Variants in EZR observed in about 807,000 individuals in gnomAD.
The protein encoded by EZR is ezrin.
Under a neutral mutation model 74.8 loss-of-function variants are expected in EZR, and 40 were observed. That is an observed-to-expected ratio of 0.53 (90% CI 0.42 to 0.70). EZR has a LOEUF of 0.70. EZR is among the 30% of genes least tolerant of loss of function. The probability of loss-of-function intolerance (pLI) is 0.00; values close to 1 mark genes in which losing one functional copy is unlikely to be tolerated. For synonymous variants in EZR, 341 were observed against 283.3 expected, an observed-to-expected ratio of 1.20 and a Z score of -2.05; for missense variants, 678 against 755.8, an observed-to-expected ratio of 0.90 and a Z score of 1.21.
In EZR at chr6:158,789,482, A is replaced by AC. The variant is rs1562498595; in HGVS notation, c.13-112dup. 5 of 947,170 alleles carry AC rather than the reference A, an allele frequency of 5.3e-6. No homozygotes were observed. In the Admixed American group the frequency reaches 8.5e-5, roughly 16 times the overall value. The allele number at this position is 947,170 out of a possible 1,614,324, so 58.7% of individuals were successfully genotyped here. ...TCAGTGTGGCGACGGCATATGCCTG[A>AC]CATCAGTTCCTGTGCTAGTCAGGAA... On this transcript the variant is annotated intron_variant, in intron 2 of 13. Transcript: ENST00000367075.
intron 9 of EZR, 88 bp from the exon 10 acceptor site, chr6:158,770,982 A>C: frequency 1.3e-6 from 2 of 1,586,754 alleles, no homozygotes; most frequent in Non-Finnish European, 1.7e-6. Context: ...TTGAAGCTCC[A>C]GGATGGACTT....
At chr6:158,808,909 C>A (rs1409362998) in intron 2 of EZR, among the ~76,000 whole-genome samples, 3 of 152,198 alleles carry the variant, frequency 2.0e-5, no homozygotes, top group Non-Finnish European at 4.4e-5. Context: ...AGGAGGATGG[C>A]TTGAGGCCAG....
chr6:158,769,559 G>A lies in EZR; in HGVS notation c.1252-141C>T, dbSNP rs984255301. ...GCCACCCCCACTCCATGGCCAGCAG[G>A]GTCCATTGTGCACCCCCGGCATCTC... On this transcript the variant is annotated intron_variant, in intron 11 of 13. Transcript: ENST00000367075. 5.8e-6 allele frequency: 6 copies of A among 1,036,452 alleles called. No individual in the cohort carries two copies. In the Admixed American group the frequency reaches 7.9e-5, roughly 14 times the overall value. The allele number at this position is 1,036,452 out of a possible 1,614,324, so 64.2% of individuals were successfully genotyped here. A position where few individuals can be genotyped will look rare whatever the true frequency, so the allele number is the denominator to read the frequency against.
At chr6:158,789,392 A>T (rs747612873) in intron 2 of EZR, 21 bp from the exon 3 acceptor site, 2 of 1,600,496 alleles carry the variant, frequency 1.2e-6, no homozygotes, top group Non-Finnish European at 1.7e-6. Context: ...GAATGAAACA[A>T]ATTACGCTTA....
rs576295267 is a variant in EZR at position 158,810,637 on chromosome 6, C to A, written c.12+7445G>T. ...AGAGAGGATGGACATGAGACAAAAT[C>A]AGAGTCCTCCCTTTTACTAAGATAA... is the stretch of plus-strand genomic sequence containing the variant. On this transcript the variant is annotated intron_variant, in intron 2 of 13. Transcript: ENST00000367075. 3.9e-5 allele frequency among the ~76,000 whole-genome samples: 6 copies of A among 152,310 alleles called. No individual in the cohort carries two copies. In the South Asian group the frequency reaches 1.2e-3, roughly 32 times the overall value.
In EZR at chr6:158,771,341, G is replaced by C. The variant is rs774565006; in HGVS notation, c.862C>G (p.His288Asp). 1.2e-6 allele frequency: 2 copies of C among 1,614,186 alleles called. No homozygotes were observed. The highest frequency in any genetic ancestry group is 1.7e-6 in the Non-Finnish European group (2 of 1,180,018). ...KRILQLCMGN[H>D]ELYMRRRKPD... is the part of the protein sequence containing the mutation. ...TTCCTGCGGCGCATATACAACTCAT[G>C]GTTGCCCATGCAGAGCTGCAGGATC... The change falls in exon 9 of 14, where the codon CAT becomes GAT. Residue 288 changes from histidine to aspartate, a missense_variant. His to Asp is a moderately conservative substitution (Grantham distance 81, BLOSUM62 -1). Around this residue, in one of 3 missense-constraint regions of EZR, gnomAD observed 119 missense variants for 182.3 expected, o/e 0.65. Coordinates refer to ENST00000367075, the MANE Select transcript of EZR (RefSeq NM_001111077.2).
At chr6:158,800,632 C>A (rs1777168040) in intron 2 of EZR, among the ~76,000 whole-genome samples, 1 of 152,194 alleles carries the variant, frequency 6.6e-6, no homozygotes, top group South Asian at 2.1e-4. Flanking sequence ...GAAACCCCAT[C>A]TCCACTAAAA....
intron 11 of EZR, 72 bp from the exon 12 acceptor site, chr6:158,769,490 C>T (rs2128564354): frequency 1.4e-6 from 2 of 1,467,852 alleles, no homozygotes; most frequent in East Asian, 2.3e-5. Context: ...AATGAGTGTT[C>T]ATGTGTGTTG....
chr6:158,795,071 G>GTAAA (rs1408478490), intron 2 of EZR, among the ~76,000 whole-genome samples: 1 of 151,708 alleles, frequency 6.6e-6, no homozygotes, highest in Non-Finnish European at 1.5e-5. Context: ...GGCCAACATG[G>GTAAA]TAAAACCCCA....
chr6:158,790,783 T>G (rs1443595260), intron 2 of EZR, among the ~76,000 whole-genome samples: 1 of 152,218 alleles, frequency 6.6e-6, no homozygotes, highest in Non-Finnish European at 1.5e-5. Flanking sequence ...CTAAAGTGTA[T>G]GAAAAACACT....
intron 2 of EZR, among the ~76,000 whole-genome samples, chr6:158,806,238 A>C (rs1406557571): frequency 6.6e-6 from 1 of 152,246 alleles, no homozygotes; most frequent in Non-Finnish European, 1.5e-5. Flanking sequence ...TTGCCCCAGC[A>C]GCAGGGAATG....
intron 2 of EZR, among the ~76,000 whole-genome samples, chr6:158,796,190 A>C (rs900570612): frequency 1.3e-5 from 2 of 152,216 alleles, no homozygotes; most frequent in Admixed American, 6.5e-5. Flanking sequence ...GTTTTCACGG[A>C]GAAGGGACAA....
chr6:158,783,795 G>A (rs1462838404), intron 6 of EZR, 129 bp from the exon 7 acceptor site: 1 of 1,001,466 alleles, frequency 1.0e-6, no homozygotes, highest in African/African-American at 1.6e-5. Flanking sequence ...GCTGCGTGCA[G>A]GCAGGCAGGG....
chr6:158,798,553 C>G (rs1777121017), intron 2 of EZR, among the ~76,000 whole-genome samples: 1 of 151,152 alleles, frequency 6.6e-6, no homozygotes. Context: ...CAGGGCAGAG[C>G]TGAGAGGCTG....
At chr6:158,783,711 A>G (rs1287149654) in intron 6 of EZR, 45 bp from the exon 7 acceptor site, 8 of 1,593,814 alleles carry the variant, frequency 5.0e-6, no homozygotes, top group South Asian at 2.2e-5. Flanking sequence ...GTAGCACTCA[A>G]TATCTAGAAC....
Position 158,769,268 on chromosome 6 carries a change from CA to C in EZR, c.1344+57del, listed in dbSNP as rs1189890980. ...ACCCACCTGCAGAAGGGCCCCACCG[CA>C]GGCAATTGGGCAACAGGTGCTGTGG... On this transcript the variant is annotated intron_variant, in intron 12 of 13. Transcript: ENST00000367075. 36 of 1,508,732 alleles carry C rather than the reference CA, an allele frequency of 2.4e-5. No individual in the cohort carries two copies. The East Asian group carries it at 3.8e-4, about 16-fold the overall frequency. The allele number at this position is 1,508,732 out of a possible 1,614,324, so 93.5% of individuals were successfully genotyped here.
chr6:158,774,963 C>T (rs933855158), intron 8 of EZR, among the ~76,000 whole-genome samples: 1 of 151,536 alleles, frequency 6.6e-6, no homozygotes, highest in Non-Finnish European at 1.5e-5. Context: ...GCATTCAATA[C>T]GCGTTTAATT....
rs2128564773 is a variant in EZR, at chr6:158,769,826, C to T, written c.1209G>A (p.Leu403=). 3 of 1,614,086 alleles carry T rather than the reference C, an allele frequency of 1.9e-6. No individual in the cohort carries two copies. The highest frequency in any genetic ancestry group is 2.5e-6 in the Non-Finnish European group (3 of 1,180,056). The part of the protein sequence containing the change: ...RMAALRAKEE[L]ERQAVDQIKS... Reference sequence around the variant, plus strand: ...TTATCTGATCCACCGCCTGTCTCTCCAGCTCCTCCTTAGCCCGCAGTGCAG... The same window carrying T: ...TTATCTGATCCACCGCCTGTCTCTCTAGCTCCTCCTTAGCCCGCAGTGCAG... The change falls in exon 11 of 14, where the codon CTG becomes CTA. Residue 403 remains leucine (L), a synonymous_variant. Coordinates refer to ENST00000367075, the MANE Select transcript of EZR (RefSeq NM_001111077.2).
chr6:158,802,871 T>G (rs560040118), intron 2 of EZR, among the ~76,000 whole-genome samples: 1 of 152,246 alleles, frequency 6.6e-6, no homozygotes, highest in East Asian at 1.9e-4. Flanking sequence ...ACATGGTTTA[T>G]CCCTCGAATA....
Sources: gnomAD v4.1 joint callset for allele counts (sites outside exome capture counted in the v4.1 genomes callset) on GRCh38, gnomAD v4.1.1 for gene constraint, gnomAD v4.1.1 regional missense constraint, MANE v1.5 for transcripts, NCBI Gene and HGNC (gene_info 2026-07-23, HGNC 2026-07-21) for gene names.